Variants in DLG2 observed in about 807,000 individuals in gnomAD.
The protein encoded by DLG2 is discs large MAGUK scaffold protein 2, also known as disks large homolog 2.
A neutral mutation model predicts 132.5 loss-of-function variants in DLG2; 45 were observed. The observed-to-expected ratio is 0.34, with a 90% CI of 0.27 to 0.44. The LOEUF is 0.44. Ranked by LOEUF, DLG2 falls within the 20% of genes least tolerant of loss-of-function variation. DLG2 has a pLI of 1.00. For synonymous variants in DLG2, 424 were observed against 419.6 expected, an observed-to-expected ratio of 1.01 and a Z score of -0.13; for missense variants, 1,045 against 1,196.9, an observed-to-expected ratio of 0.87 and a Z score of 1.87.
chr11:84,297,465 A>G (rs954334212), intron 7 of DLG2, among the ~76,000 whole-genome samples: 2 of 152,122 alleles, frequency 1.3e-5, no homozygotes, highest in African/African-American at 2.4e-5. Flanking sequence ...AATCCACACT[A>G]TTTAATCCAT....
At chr11:84,679,652 A>C (rs896148295) in intron 6 of DLG2, among the ~76,000 whole-genome samples, 2 of 152,230 alleles carry the variant, frequency 1.3e-5, no homozygotes, top group East Asian at 3.9e-4. Context: ...TTGAGAGTTT[A>C]CTATATGTCA....
At chr11:85,019,447 C>CT (rs945179632) in intron 6 of DLG2, among the ~76,000 whole-genome samples, 1 of 151,850 alleles carries the variant, frequency 6.6e-6, no homozygotes, top group Non-Finnish European at 1.5e-5. Context: ...GATAAGATTT[C>CT]TTTTTTATTA....
chr11:83,688,306 A>G (rs2080198029), intron 18 of DLG2, among the ~76,000 whole-genome samples: 1 of 151,984 alleles, frequency 6.6e-6, no homozygotes, highest in Non-Finnish European at 1.5e-5. Context: ...GACTTGATCC[A>G]TTTTCTTTCG....
At chr11:85,506,343 G>C (rs1167042410) in intron 3 of DLG2, among the ~76,000 whole-genome samples, 1 of 152,074 alleles carries the variant, frequency 6.6e-6, no homozygotes, top group Non-Finnish European at 1.5e-5. Context: ...ACTTTCTCTA[G>C]TGGGCATTTA....
At chr11:85,221,618 A>G (rs2074650054) in intron 4 of DLG2, among the ~76,000 whole-genome samples, 1 of 152,232 alleles carries the variant, frequency 6.6e-6, no homozygotes, top group Non-Finnish European at 1.5e-5. Flanking sequence ...CAAGGTAACA[A>G]ACTATTTTTA....
intron 7 of DLG2, among the ~76,000 whole-genome samples, chr11:84,453,060 G>A (rs2099056017): frequency 6.6e-6 from 1 of 151,140 alleles, no homozygotes; most frequent in African/African-American, 2.4e-5. Flanking sequence ...TATCTACTAT[G>A]TATAAATTTT....
chr11:85,216,683 C>A (rs193037586), intron 4 of DLG2, among the ~76,000 whole-genome samples: 1 of 151,922 alleles, frequency 6.6e-6, no homozygotes, highest in South Asian at 2.1e-4. Context: ...TGAGAAGCAC[C>A]CTTATGGTTA....
At chr11:84,703,122 T>G (rs1565707355) in intron 6 of DLG2, among the ~76,000 whole-genome samples, 1 of 151,618 alleles carries the variant, frequency 6.6e-6, no homozygotes, top group African/African-American at 2.4e-5. Flanking sequence ...GGGCTTACCT[T>G]ATTAGAGAAA....
At chr11:85,028,896 G>A (rs1010447846) in intron 6 of DLG2, among the ~76,000 whole-genome samples, 1 of 152,142 alleles carries the variant, frequency 6.6e-6, no homozygotes, top group Non-Finnish European at 1.5e-5. Flanking sequence ...TGGCTCTGTG[G>A]AGCGCGCAGC....
chr11:85,401,719 T>C (rs1033903641), intron 3 of DLG2, among the ~76,000 whole-genome samples: 9 of 152,156 alleles, frequency 5.9e-5, no homozygotes, highest in African/African-American at 2.2e-4. Context: ...AGCCAAATCA[T>C]GAGTGAACTC....
intron 21 of DLG2, among the ~76,000 whole-genome samples, chr11:83,511,834 G>A (rs1485675733): frequency 1.3e-5 from 2 of 151,234 alleles, no homozygotes; most frequent in Admixed American, 6.6e-5. Context: ...AAGTAGCTGC[G>A]ACTACAGGCA....
In DLG2 at chr11:83,868,889, G is replaced by A. The variant is rs145155716; in HGVS notation, c.1565+5531C>T. ...CACTGATTACAAATCCTGAGGTACAGATGGATCTCTGAATGTGTGGATAGA... is the reference window on the plus strand; with the variant it reads ...CACTGATTACAAATCCTGAGGTACAAATGGATCTCTGAATGTGTGGATAGA... On this transcript the variant is annotated intron_variant, in intron 16 of 27. Transcript: ENST00000376104. Among the ~76,000 whole-genome samples the A allele has an allele frequency of 4.9e-4, 75 of 152,302 alleles. No individual in the cohort carries two copies. In the East Asian group the frequency reaches 0.014, roughly 27 times the overall value.
intron 6 of DLG2, among the ~76,000 whole-genome samples, chr11:84,707,449 T>C (rs1332629876): frequency 6.6e-6 from 1 of 151,822 alleles, no homozygotes; most frequent in Non-Finnish European, 1.5e-5. Flanking sequence ...GAAACTGATT[T>C]AACTGGAAGT....
At chr11:83,520,308 G>A (rs2095429751) in intron 21 of DLG2, among the ~76,000 whole-genome samples, 1 of 152,154 alleles carries the variant, frequency 6.6e-6, no homozygotes, top group Admixed American at 6.5e-5. Context: ...GTGAATGAAT[G>A]GAAACTGCAT....
intron 7 of DLG2, among the ~76,000 whole-genome samples, chr11:84,497,857 C>A (rs906497377): frequency 6.6e-6 from 1 of 152,122 alleles, no homozygotes; most frequent in Non-Finnish European, 1.5e-5. Flanking sequence ...CAGTAGGCAG[C>A]CACATAGGTT....
intron 11 of DLG2, among the ~76,000 whole-genome samples, chr11:83,988,669 C>G (rs1397392584): frequency 6.6e-6 from 1 of 151,926 alleles, no homozygotes; most frequent in Non-Finnish European, 1.5e-5. Flanking sequence ...TTCTAGAGTA[C>G]TCCGACATAG....
At chr11:85,506,063 A>G (rs1205835617) in intron 3 of DLG2, among the ~76,000 whole-genome samples, 1 of 152,168 alleles carries the variant, frequency 6.6e-6, no homozygotes, top group Non-Finnish European at 1.5e-5. Context: ...ATCAGTGGTG[A>G]TATCCCCTTT....
At chr11:84,971,673 A>C (rs1391024852) in intron 6 of DLG2, among the ~76,000 whole-genome samples, 1 of 152,164 alleles carries the variant, frequency 6.6e-6, no homozygotes, top group African/African-American at 2.4e-5. Context: ...TCAATGTGCT[A>C]ATTAGTTTAA....
At chr11:84,901,125 A>G (rs1057480793) in intron 6 of DLG2, among the ~76,000 whole-genome samples, 2 of 152,068 alleles carry the variant, frequency 1.3e-5, no homozygotes, top group Non-Finnish European at 1.5e-5. Flanking sequence ...GCGAAGACAT[A>G]CCCTCTGACA....
Sources: allele counts gnomAD v4.1 joint callset (sites outside exome capture counted in the v4.1 genomes callset), GRCh38; gene constraint gnomAD v4.1.1; transcripts MANE v1.5; gene names NCBI Gene and HGNC (gene_info 2026-07-23, HGNC 2026-07-21).